ZC3H3: variants seen among roughly 807,000 people sequenced by gnomAD.
ZC3H3 encodes zinc finger CCCH domain-containing protein 3.
A neutral mutation model predicts 77.3 loss-of-function variants in ZC3H3; 36 were observed. The ratio of observed to expected loss-of-function variants is 0.47; its 90% CI spans 0.36 to 0.61. The LOEUF is 0.61. ZC3H3 is among the 20% of genes least tolerant of loss of function. The pLI is 0.00. For synonymous variants in ZC3H3, 626 were observed against 555.2 expected, an observed-to-expected ratio of 1.13 and a Z score of -1.79; for missense variants, 1,331 against 1,312.2, an observed-to-expected ratio of 1.01 and a Z score of -0.22.
intron 3 of ZC3H3, among the ~76,000 whole-genome samples, chr8:143,529,762 G>A (rs1213357309): frequency 1.3e-5 from 2 of 152,180 alleles, no homozygotes; most frequent in African/African-American, 4.8e-5. Flanking sequence ...TGGGGCTGGG[G>A]GAAGCCACGA....
intron 9 of ZC3H3, among the ~76,000 whole-genome samples, chr8:143,454,702 C>T (rs978517144): frequency 5.3e-5 from 8 of 152,032 alleles, no homozygotes; most frequent in Non-Finnish European, 1.2e-4. Flanking sequence ...TGAGCCACCG[C>T]GCCCAGCCAA....
chr8:143,492,600 GCCTCACCTCGCAC>G (rs771511539), intron 4 of ZC3H3, among the ~76,000 whole-genome samples: 145 of 152,000 alleles, frequency 9.5e-4, no homozygotes, highest in Admixed American at 5.9e-4. Flanking sequence ...CCCGGGGAGG[GCCTCACCTCGCAC>G]CCACACCTGC....
At chr8:143,539,975 A>T (rs977314724) in intron 1 of ZC3H3, among the ~76,000 whole-genome samples, 1 of 152,222 alleles carries the variant, frequency 6.6e-6, no homozygotes, top group East Asian at 1.9e-4. Context: ...CCAGGAACAC[A>T]GGCAAGGGCG....
chr8:143,523,369 C>G (rs2130472673), intron 3 of ZC3H3: 6 of 985,440 alleles, frequency 6.1e-6, no homozygotes, highest in Non-Finnish European at 7.2e-6. Context: ...GAGCAGGCAG[C>G]TTCAGAATGC....
chr8:143,476,531 C>T (rs1293671167), intron 4 of ZC3H3, among the ~76,000 whole-genome samples: 3 of 152,228 alleles, frequency 2.0e-5, no homozygotes, highest in Non-Finnish European at 2.9e-5. Flanking sequence ...GCCAGCCACA[C>T]CCACAGCCCT....
Position 143,538,866 on chromosome 8 carries a change from A to AG in ZC3H3, c.500dup (p.Arg168SerfsTer31). The AG allele has an allele frequency of 6.2e-7, 1 of 1,612,468 alleles. No homozygotes were observed. The highest frequency in any genetic ancestry group is 8.5e-7 in the Non-Finnish European group (1 of 1,179,732). Reference sequence around the variant, plus strand: ...GCCTCGAGGGCTGCAGCTGTCCCCGAGGGGGCTCACCTTCACCTTCCCGGG... The same window carrying AG: ...GCCTCGAGGGCTGCAGCTGTCCCCGAGGGGGGCTCACCTTCACCTTCCCGGG... On this transcript the variant is annotated frameshift_variant, in exon 2 of 12. Coordinates refer to ENST00000262577, the MANE Select transcript of ZC3H3 (RefSeq NM_015117.3). LOFTEE classifies it high-confidence loss of function.
At chr8:143,441,368 G>A (rs1274497262) in intron 9 of ZC3H3, among the ~76,000 whole-genome samples, 1 of 152,228 alleles carries the variant, frequency 6.6e-6, no homozygotes, top group East Asian at 1.9e-4. Flanking sequence ...ACTGAGAGCA[G>A]GGCGGGGCTG....
intron 5 of ZC3H3, 97 bp downstream of exon 5, chr8:143,475,301 C>T (rs1820700854): frequency 7.1e-7 from 1 of 1,406,842 alleles, no homozygotes; most frequent in Admixed American, 2.4e-5. Context: ...CCCAGAGCAG[C>T]CACAGCATGT....
intron 4 of ZC3H3, among the ~76,000 whole-genome samples, chr8:143,505,189 G>A (rs1821650433): frequency 6.6e-6 from 1 of 152,252 alleles, no homozygotes; most frequent in African/African-American, 2.4e-5. Context: ...TGGGGCCCAA[G>A]GAGAGCTCTG....
intron 4 of ZC3H3, among the ~76,000 whole-genome samples, chr8:143,491,426 C>T (rs1821198496): frequency 6.6e-6 from 1 of 152,238 alleles, no homozygotes; most frequent in African/African-American, 2.4e-5. Context: ...AGGGCTTGCC[C>T]ATAACAGGGA....
At chr8:143,485,868 T>A (rs1471428121) in intron 4 of ZC3H3, among the ~76,000 whole-genome samples, 2 of 152,200 alleles carry the variant, frequency 1.3e-5, no homozygotes, top group Admixed American at 1.3e-4. Context: ...TGCCCAGCAA[T>A]GCCAGCCAGC....
chr8:143,477,839 C>G (rs951572125), intron 4 of ZC3H3, among the ~76,000 whole-genome samples: 1 of 152,168 alleles, frequency 6.6e-6, no homozygotes, highest in Admixed American at 6.5e-5. Flanking sequence ...GTGCACCCCC[C>G]CACCGCAGCA....
At chr8:143,470,532 G>A (rs529417611) in intron 5 of ZC3H3, among the ~76,000 whole-genome samples, 1 of 152,344 alleles carries the variant, frequency 6.6e-6, no homozygotes, top group African/African-American at 2.4e-5. Context: ...CTGCCAGCCT[G>A]TGGGGTGAGG....
chr8:143,477,338 G>A (rs1265932667), intron 4 of ZC3H3, among the ~76,000 whole-genome samples: 4 of 152,180 alleles, frequency 2.6e-5, no homozygotes, highest in African/African-American at 4.8e-5. Flanking sequence ...AAGGGGCCTG[G>A]CAGTGCTGAG....
intron 4 of ZC3H3, among the ~76,000 whole-genome samples, chr8:143,490,990 C>T (rs964473138): frequency 2.6e-5 from 4 of 152,368 alleles, no homozygotes; most frequent in African/African-American, 9.6e-5. Context: ...GTATTTAAAA[C>T]GGCGGCACCC....
chr8:143,540,048 G>A (rs1822958152), intron 1 of ZC3H3, among the ~76,000 whole-genome samples: 1 of 152,362 alleles, frequency 6.6e-6, no homozygotes, highest in East Asian at 1.9e-4. Context: ...CGGGGGCACA[G>A]AAAGCCACGT....
intron 3 of ZC3H3, among the ~76,000 whole-genome samples, chr8:143,521,020 C>T (rs1224613365): frequency 6.6e-6 from 1 of 152,334 alleles, no homozygotes; most frequent in East Asian, 1.9e-4. Flanking sequence ...GACGGCCCGC[C>T]CGGCCCACAG....
chr8:143,504,704 G>A (rs1586933337), intron 4 of ZC3H3, among the ~76,000 whole-genome samples: 1 of 152,132 alleles, frequency 6.6e-6, no homozygotes, highest in South Asian at 2.1e-4. Flanking sequence ...TGTGCATCCT[G>A]GGGCAGGGTC....
chr8:143,441,512 G>A (rs1819741471), intron 9 of ZC3H3, among the ~76,000 whole-genome samples: 1 of 152,192 alleles, frequency 6.6e-6, no homozygotes, highest in East Asian at 1.9e-4. Flanking sequence ...TGTGGCTAGA[G>A]ACCTGGGGGT....
Sources: gnomAD v4.1 joint callset for allele counts (sites outside exome capture counted in the v4.1 genomes callset) on GRCh38, gnomAD v4.1.1 for gene constraint, MANE v1.5 for transcripts, NCBI Gene and HGNC (gene_info 2026-07-23, HGNC 2026-07-21) for gene names.